APCDD1L: variants seen among roughly 807,000 people sequenced by gnomAD.
APCDD1L encodes the protein APC down-regulated 1 like.
A neutral mutation model predicts 24.2 loss-of-function variants in APCDD1L; 21 were observed. The ratio of observed to expected loss-of-function variants is 0.87; its 90% CI spans 0.61 to 1.25. The LOEUF (loss-of-function observed/expected upper bound fraction) is 1.25, where lower values mean the gene tolerates loss of function less well. Ranked by LOEUF, APCDD1L falls within the 50% of genes most tolerant of loss-of-function variation. APCDD1L has a pLI of 0.00. For missense variants in APCDD1L, 704 were observed against 711.7 expected, an observed-to-expected ratio of 0.99 and a Z score of 0.12; for synonymous variants, 321 against 323.6, an observed-to-expected ratio of 0.99 and a Z score of 0.09.
At chr20:58,471,994 T>G (rs1989819565) in intron 1 of APCDD1L, among the ~76,000 whole-genome samples, 1 of 152,132 alleles carries the variant, frequency 6.6e-6, no homozygotes, top group Non-Finnish European at 1.5e-5. Context: ...GCAGATGGCG[T>G]GTTCTGTCCC....
chr20:58,509,745 G>C (rs924953840), intron 1 of APCDD1L, among the ~76,000 whole-genome samples: 1 of 152,190 alleles, frequency 6.6e-6, no homozygotes, highest in East Asian at 1.9e-4. Context: ...GCAAATCTGG[G>C]CCAACTCCTA....
At chr20:58,509,962 C>T (rs1990596639) in intron 1 of APCDD1L, among the ~76,000 whole-genome samples, 1 of 152,194 alleles carries the variant, frequency 6.6e-6, no homozygotes, top group African/African-American at 2.4e-5. Flanking sequence ...GTCCACTCTC[C>T]ACCCCTTGGT....
chr20:58,479,733 C>T (rs148358264), intron 1 of APCDD1L, among the ~76,000 whole-genome samples: 70 of 151,998 alleles, frequency 4.6e-4, no homozygotes, highest in African/African-American at 1.5e-3. Context: ...AGCAATGGCT[C>T]CCTACCCAAA....
chr20:58,467,667 G>A lies in APCDD1L; in HGVS notation c.189-9C>T, dbSNP rs1303642265. On this transcript the variant is annotated splice_polypyrimidine_tract_variant and intron_variant, in intron 2 of 3. Coordinates refer to ENST00000371149, the MANE Select transcript of APCDD1L (RefSeq NM_153360.3). The surrounding 1 kb of genome is among the most constrained non-coding windows in gnomAD (Gnocchi z 5.9). ...CTGGGCGCACCTCGCAGCTGCAGGG[G>A]TGGAAGGAGATGGGCTGGGTGCAGA... 1 of 1,484,704 alleles carries A rather than the reference G, an allele frequency of 6.7e-7. No individual in the cohort carries two copies. The highest frequency in any genetic ancestry group is 2.2e-5 in the Admixed American group (1 of 44,764). The allele number at this position is 1,484,704 out of a possible 1,614,324, so 92.0% of individuals were successfully genotyped here.
In APCDD1L at chr20:58,514,598, C is replaced by T. The variant is rs1335303296; in HGVS notation, c.49+61G>A. On this transcript the variant is annotated intron_variant, in intron 1 of 3. Transcript: ENST00000371149. ...CCAAGGGCCCTTAGGGGACATTAGA[C>T]GGCGAGCTCCCTCCCTTCCGAGCTC... The T allele has an allele frequency of 8.6e-6, 11 of 1,282,122 alleles. No homozygotes were observed. In the Admixed American group the frequency reaches 2.8e-4, roughly 33 times the overall value. The allele number at this position is 1,282,122 out of a possible 1,614,324, so 79.4% of individuals were successfully genotyped here.
intron 1 of APCDD1L, among the ~76,000 whole-genome samples, chr20:58,484,665 G>T (rs574216807): frequency 6.6e-6 from 1 of 152,132 alleles, no homozygotes; most frequent in African/African-American, 2.4e-5. Context: ...ACAGTCTGCC[G>T]CGGAGGAACT....
At chr20:58,513,012 G>A (rs987679925) in intron 1 of APCDD1L, among the ~76,000 whole-genome samples, 1 of 152,280 alleles carries the variant, frequency 6.6e-6, no homozygotes, top group East Asian at 1.9e-4. Context: ...GCCAGCCACG[G>A]CTCTACACTC....
rs10683548 is a variant in APCDD1L, at chr20:58,509,018, G to GT, written c.49+5640_49+5641insA. On this transcript the variant is annotated intron_variant, in intron 1 of 3. Transcript: ENST00000371149. ...CGTGTGTGTGTGTGTGTGTGTGTGT[G>GT]GAGTCAACGAGTCAATTTTAGCCTT... Among the ~76,000 whole-genome samples the GT allele has an allele frequency of 5.3e-5, 8 of 151,712 alleles. No homozygotes were observed. The East Asian group carries it at 5.8e-4, about 11-fold the overall frequency.
chr20:58,464,436 A>G (rs1305546743), intron 3 of APCDD1L, among the ~76,000 whole-genome samples: 2 of 152,226 alleles, frequency 1.3e-5, no homozygotes, highest in Non-Finnish European at 2.9e-5. Context: ...TCCCGGCTCC[A>G]TGGGAAATCT....
intron 1 of APCDD1L, among the ~76,000 whole-genome samples, chr20:58,495,374 A>C (rs1415847291): frequency 6.6e-6 from 1 of 152,214 alleles, no homozygotes; most frequent in African/African-American, 2.4e-5. Context: ...TGGTGTGCCC[A>C]GGAAGCCGGC....
rs920944995 is a variant in APCDD1L at position 58,467,743 on chromosome 20, C to T, written c.189-85G>A. ...TCCCCTCTGGGCTGGGCTCCTTTCT[C>T]CCCCCCAGCCCTCCTCTTAGTCCTC... is the stretch of plus-strand genomic sequence containing the variant. On this transcript the variant is annotated intron_variant, in intron 2 of 3. Transcript: ENST00000371149. The surrounding 1 kb of genome is among the most constrained non-coding windows in gnomAD (Gnocchi z 5.9). 11 of 1,261,898 alleles carry T rather than the reference C, an allele frequency of 8.7e-6. No homozygotes were observed. Among genetic ancestry groups the T allele is most frequent in the Admixed American group, 3.9e-5 (1 of 25,620 alleles). 78.2% of individuals were successfully genotyped at this position (1,261,898 alleles called of 1,614,324 possible).
At chr20:58,505,944 G>C (rs541231469) in intron 1 of APCDD1L, among the ~76,000 whole-genome samples, 11 of 152,258 alleles carry the variant, frequency 7.2e-5, no homozygotes, top group African/African-American at 2.6e-4. Flanking sequence ...GGAATGCCAA[G>C]GACTGCTGGC....
intron 1 of APCDD1L, among the ~76,000 whole-genome samples, chr20:58,485,792 A>T (rs572287387): frequency 6.6e-6 from 1 of 152,196 alleles, no homozygotes; most frequent in Non-Finnish European, 1.5e-5. Flanking sequence ...ATTTGGTATA[A>T]ATTATACTTT....
At chr20:58,512,173 G>A (rs1274857760) in intron 1 of APCDD1L, among the ~76,000 whole-genome samples, 2 of 152,330 alleles carry the variant, frequency 1.3e-5, no homozygotes, top group Middle Eastern at 3.4e-3. Context: ...GAGCAAATGG[G>A]AAAAATCAAC....
chr20:58,471,610 G>A (rs1305429517), intron 1 of APCDD1L, among the ~76,000 whole-genome samples: 1 of 152,190 alleles, frequency 6.6e-6, no homozygotes, highest in African/African-American at 2.4e-5. Context: ...GACTGTTCAC[G>A]ATCTTTTCTC....
chr20:58,465,931 CG>C (rs1225850883), intron 3 of APCDD1L, among the ~76,000 whole-genome samples: 6 of 152,068 alleles, frequency 3.9e-5, no homozygotes. Context: ...TTAAATCCCA[CG>C]TATTTTCTCT....
intron 1 of APCDD1L, among the ~76,000 whole-genome samples, chr20:58,473,605 CCCA>C (rs1568738649): frequency 6.6e-6 from 1 of 152,124 alleles, no homozygotes; most frequent in East Asian, 1.9e-4. Context: ...TGCTTCCCCC[CCCA>C]CCCCTTCTCT....
At chr20:58,472,735 T>C (rs1417928461) in intron 1 of APCDD1L, among the ~76,000 whole-genome samples, 1 of 152,198 alleles carries the variant, frequency 6.6e-6, no homozygotes, top group Non-Finnish European at 1.5e-5. Context: ...TTGGGGCCAC[T>C]CTGCCAAGTG....
At chr20:58,466,446 G>GT (rs1228597768) in intron 3 of APCDD1L, among the ~76,000 whole-genome samples, 1 of 152,260 alleles carries the variant, frequency 6.6e-6, no homozygotes, top group African/African-American at 2.4e-5. Flanking sequence ...CCCAGTGGCT[G>GT]TGCGGCTAGG....
Sources: allele counts gnomAD v4.1 joint callset (sites outside exome capture counted in the v4.1 genomes callset), GRCh38; gene constraint gnomAD v4.1.1; non-coding constraint Gnocchi (gnomAD v3.1); transcripts MANE v1.5; gene names NCBI Gene and HGNC (gene_info 2026-07-23, HGNC 2026-07-21).